PCGF3: variants seen among roughly 807,000 people sequenced by gnomAD.
PCGF3 encodes the protein polycomb group RING finger protein 3.
Under a neutral mutation model 33.1 loss-of-function variants are expected in PCGF3, and 7 were observed. The observed-to-expected ratio is 0.21, with a 90% confidence interval of 0.12 to 0.40. The LOEUF (loss-of-function observed/expected upper bound fraction) is 0.40, where lower values mean the gene tolerates loss of function less well. PCGF3 is among the 10% of genes least tolerant of loss of function. PCGF3 has a pLI of 1.00. For synonymous variants in PCGF3, 153 were observed against 121.3 expected (o/e 1.26, Z -1.72); for missense variants, 211 against 313.3 (o/e 0.67, Z 2.46).
In PCGF3 at chr4:721,000, C is replaced by T. The variant is rs1314121155; in HGVS notation, c.-189-9630C>T. ...CGAGGACAGCAAGGAGGAGATGACCCCATGGGCAAGCAGGAGCTCAGATGG... is the reference window on the plus strand; with the variant it reads ...CGAGGACAGCAAGGAGGAGATGACCTCATGGGCAAGCAGGAGCTCAGATGG... On this transcript the variant is annotated intron_variant, in intron 1 of 10. Coordinates refer to ENST00000362003, the Ensembl canonical transcript of PCGF3. The surrounding 1 kb of genome is among the most constrained non-coding windows in gnomAD (Gnocchi z 5.6). Among the ~76,000 whole-genome samples, 1 of 152,106 alleles carries T rather than the reference C, an allele frequency of 6.6e-6. No homozygotes were observed. Among genetic ancestry groups the T allele is most frequent in the Non-Finnish European group, 1.5e-5 (1 of 68,020 alleles).
chr4:732,852 G>C (rs1425863386), intron 3 of PCGF3, among the ~76,000 whole-genome samples: 1 of 152,236 alleles, frequency 6.6e-6, no homozygotes, highest in African/African-American at 2.4e-5. Flanking sequence ...TCCGCACGCG[G>C]AGCGGCCCTG....
chr4:730,267 C>G (rs960997356), intron 1 of PCGF3, among the ~76,000 whole-genome samples: 2 of 152,170 alleles, frequency 1.3e-5, no homozygotes, highest in African/African-American at 4.8e-5. Flanking sequence ...TGAGGTCTTG[C>G]ATTTGCCCAG....
At chr4:706,748 C>T (rs1459688279) in intron 1 of PCGF3, among the ~76,000 whole-genome samples, 18 of 129,500 alleles carry the variant, frequency 1.4e-4, no homozygotes, top group African/African-American at 5.5e-4. Context: ...CCAGGCAGGA[C>T]CCAGGGAGGG....
At chr4:708,154 T>C (rs766393957) in intron 1 of PCGF3, among the ~76,000 whole-genome samples, 1 of 152,010 alleles carries the variant, frequency 6.6e-6, no homozygotes, top group Non-Finnish European at 1.5e-5. Flanking sequence ...GACTGGACAG[T>C]GAGAAGGGCT....
At chr4:761,634 G>A (rs1745064455) in intron 9 of PCGF3, 1 of 980,724 alleles carries the variant, frequency 1.0e-6, no homozygotes, top group South Asian at 4.7e-5. Context: ...GCTACTGTGA[G>A]TGGAAGAGAG....
chr4:750,880 A>AC (rs1744481502), intron 8 of PCGF3, among the ~76,000 whole-genome samples: 1 of 150,896 alleles, frequency 6.6e-6, no homozygotes, highest in Non-Finnish European at 1.5e-5. Flanking sequence ...TTTCGCTCTA[A>AC]CCCCCGATTC....
At chr4:761,442 C>A (rs1745050334) in intron 9 of PCGF3, 26 bp downstream of exon 9, 1 of 1,557,670 alleles carries the variant, frequency 6.4e-7, no homozygotes, top group African/African-American at 1.4e-5. Context: ...TAAGTAGAAA[C>A]CATAACAAGT....
In PCGF3 at chr4:710,406, C is replaced by T. The variant is rs115913913; in HGVS notation, c.-190+4436C>T. Among the ~76,000 whole-genome samples the T allele has an allele frequency of 7.4e-3, 1,125 of 152,310 alleles. 16 individuals are homozygous for T. The highest frequency in any genetic ancestry group is 0.026 in the African/African-American group (1,074 of 41,558). On this transcript the variant is annotated intron_variant, in intron 1 of 10. Coordinates refer to ENST00000362003, the Ensembl canonical transcript of PCGF3. ...CACTTTTGCCAAGAGTCATTCGGCCCCTACACACTTGAGGGGAGGGGACTC... is the reference window on the plus strand; with the variant it reads ...CACTTTTGCCAAGAGTCATTCGGCCTCTACACACTTGAGGGGAGGGGACTC...
chr4:762,871 A>C (rs1292863028), intron 9 of PCGF3: 1 of 152,228 alleles, frequency 6.6e-6, no homozygotes, highest in African/African-American at 2.4e-5. Context: ...TAAGTTGCTG[A>C]TGTATTTGGG....
chr4:736,383 C>T (rs576781285), intron 5 of PCGF3, among the ~76,000 whole-genome samples: 3 of 152,340 alleles, frequency 2.0e-5, no homozygotes, highest in South Asian at 4.1e-4. Context: ...TGGAAACATT[C>T]TAGAAAAGCC....
Position 730,956 on chromosome 4 carries a change from C to A in PCGF3, c.-150-14C>A. 2.5e-6 allele frequency: 1 copy of A among 398,358 alleles called. No homozygotes were observed. The highest frequency in any genetic ancestry group is 1.3e-4 in the South Asian group (1 of 7,834). The allele number at this position is 398,358 out of a possible 1,614,324, so 24.7% of individuals were successfully genotyped here. ...TGACGCGAAGTGAACTAACAGGTGCCGTTTCTGTGCTAGAAAATGGAAAAA... is the reference window on the plus strand; with the variant it reads ...TGACGCGAAGTGAACTAACAGGTGCAGTTTCTGTGCTAGAAAATGGAAAAA... On this transcript the variant is annotated splice_polypyrimidine_tract_variant and intron_variant, in intron 2 of 10. Coordinates refer to ENST00000362003, the Ensembl canonical transcript of PCGF3.
chr4:711,655 C>T (rs943622723), intron 1 of PCGF3, among the ~76,000 whole-genome samples: 7 of 150,748 alleles, frequency 4.6e-5, no homozygotes, highest in Non-Finnish European at 8.9e-5. Context: ...GACGGGGTTT[C>T]ACCTTGTTAG....
rs1318646361 is a variant in PCGF3, at chr4:761,339, C to T, written c.523C>T (p.Arg175Cys). The T allele has an allele frequency of 5.0e-6, 8 of 1,610,906 alleles. No individual in the cohort carries two copies. Among genetic ancestry groups the T allele is most frequent in the Admixed American group, 1.7e-5 (1 of 59,612 alleles). The change falls in exon 9 of 11, where the codon CGC becomes TGC. Residue 175 changes from arginine to cysteine, a missense_variant. Transcript: ENST00000362003. ...GCGCGGGCTGAAGCGGAAGTGGATC[C>T]GCTGCTCAGCCCAGGCGACCGTCTT...
chr4:716,888 C>A (rs367943696), intron 1 of PCGF3, among the ~76,000 whole-genome samples: 84 of 104,996 alleles, frequency 8.0e-4, no homozygotes, highest in Middle Eastern at 8.2e-3. Context: ...CGGTGCTGGG[C>A]CCCTGTGGAC....
In PCGF3 at chr4:734,911, C is replaced by G; in HGVS notation, c.110-20C>G. On this transcript the variant is annotated intron_variant, in intron 4 of 10. Coordinates refer to ENST00000362003, the Ensembl canonical transcript of PCGF3. ...CCTGGCTCTAGACGCTCTCCTAACA[C>G]ACCTGTGCTTTGATGACAGTCTGCA... The G allele has an allele frequency of 6.2e-7, 1 of 1,611,402 alleles. No homozygotes were observed. The highest frequency in any genetic ancestry group is 1.7e-5 in the Admixed American group (1 of 59,656).
At chr4:714,127 C>T (rs1008520603) in intron 1 of PCGF3, among the ~76,000 whole-genome samples, 2 of 152,116 alleles carry the variant, frequency 1.3e-5, no homozygotes, top group African/African-American at 2.4e-5. Context: ...TTTGAGGACA[C>T]GAGAGAAGGC....
At chr4:766,140 C>T (rs374940813) in exon 11 of PCGF3, 430 of 1,408,176 alleles carry the variant, frequency 3.1e-4, no homozygotes, top group Non-Finnish European at 4.1e-4. Flanking sequence ...CCGGCCGCCG[C>T]GCTTAAGAAC....
exon 11 of PCGF3, chr4:766,142 C>T: frequency 2.2e-6 from 3 of 1,395,174 alleles, no homozygotes; most frequent in South Asian, 2.3e-5. Flanking sequence ...GGCCGCCGCG[C>T]TTAAGAACAT....
chr4:719,861 C>T (rs1743002416), intron 1 of PCGF3, among the ~76,000 whole-genome samples: 1 of 152,160 alleles, frequency 6.6e-6, no homozygotes, highest in South Asian at 2.1e-4. Flanking sequence ...CCTAGCCCAG[C>T]TCCTCCCTTG....
Sources: allele counts gnomAD v4.1 joint callset (sites outside exome capture counted in the v4.1 genomes callset), GRCh38; gene constraint gnomAD v4.1.1; non-coding constraint Gnocchi (gnomAD v3.1); transcripts MANE v1.5; gene names NCBI Gene and HGNC (gene_info 2026-07-23, HGNC 2026-07-21).